Variants in SLC24A3 observed in about 807,000 individuals in gnomAD.
The protein encoded by SLC24A3 is sodium/potassium/calcium exchanger 3.
Under a neutral mutation model 75.8 loss-of-function variants are expected in SLC24A3, and 28 were observed. The observed-to-expected ratio is 0.37, with a 90% CI of 0.27 to 0.51. The LOEUF is 0.51. Ranked by LOEUF, SLC24A3 falls within the 20% of genes least tolerant of loss-of-function variation. The pLI, the probability that SLC24A3 is intolerant of heterozygous loss-of-function variation, is 0.94. For missense variants in SLC24A3, 663 were observed against 847.8 expected (o/e 0.78, Z 2.71); for synonymous variants, 372 against 334.1 (o/e 1.11, Z -1.24).
chr20:19,325,795 TAGAGAGAGAGA>T (rs1984841078), intron 2 of SLC24A3, among the ~76,000 whole-genome samples: 3 of 67,796 alleles, frequency 4.4e-5, no homozygotes, highest in African/African-American at 1.7e-4. Context: ...TATATATATA[TAGAGAGAGAGA>T]GAGAGAGAGA....
chr20:19,346,561 GACTATTATTCAAAGTGAAGTA>G (rs1201735266), intron 2 of SLC24A3, among the ~76,000 whole-genome samples: 1 of 151,802 alleles, frequency 6.6e-6, no homozygotes, highest in African/African-American at 2.4e-5. Context: ...TGGAATTAGA[GACTATTATTCAAAGTGAAGTA>G]ACTCAGGAAT....
intron 4 of SLC24A3, 139 bp downstream of exon 4, chr20:19,580,213 T>A (rs531476889): frequency 3.1e-6 from 2 of 648,374 alleles, no homozygotes; most frequent in East Asian, 5.2e-5. Flanking sequence ...ATCACCATGT[T>A]TGAGAGCAAT....
At chr20:19,341,711 T>A (rs1985276546) in intron 2 of SLC24A3, among the ~76,000 whole-genome samples, 1 of 152,202 alleles carries the variant, frequency 6.6e-6, no homozygotes, top group Admixed American at 6.5e-5. Context: ...AGCAGCAGTT[T>A]CCCATCCTGT....
chr20:19,708,602 G>T (rs769418340), intron 15 of SLC24A3, among the ~76,000 whole-genome samples: 1 of 152,306 alleles, frequency 6.6e-6, no homozygotes, highest in South Asian at 2.1e-4. Context: ...GCGATGCCAC[G>T]TTGGTAGCTT....
chr20:19,654,902 C>A (rs2032249036), intron 7 of SLC24A3, among the ~76,000 whole-genome samples: 1 of 152,122 alleles, frequency 6.6e-6, no homozygotes, highest in East Asian at 1.9e-4. Flanking sequence ...CCGTCTCAGC[C>A]TCCCAAACTG....
chr20:19,368,177 A>T (rs1389159713), intron 2 of SLC24A3, among the ~76,000 whole-genome samples: 1 of 111,742 alleles, frequency 8.9e-6, no homozygotes, highest in Non-Finnish European at 1.8e-5. Flanking sequence ...CAGAACCTAG[A>T]GGGATGTTGG....
chr20:19,406,556 T>C (rs961509514), intron 2 of SLC24A3, among the ~76,000 whole-genome samples: 7 of 152,192 alleles, frequency 4.6e-5, no homozygotes, highest in Non-Finnish European at 8.8e-5. Flanking sequence ...CTTAAAGGAA[T>C]TTACAGTCTA....
intron 2 of SLC24A3, among the ~76,000 whole-genome samples, chr20:19,346,737 G>A (rs963129253): frequency 2.6e-5 from 4 of 151,994 alleles, no homozygotes; most frequent in Admixed American, 2.6e-4. Flanking sequence ...CATTGGATAC[G>A]GTGTACACTG....
rs770360144 is a variant in SLC24A3, at chr20:19,654,044, G to T, written c.613-18G>T. On this transcript the variant is annotated intron_variant, in intron 6 of 16. Coordinates refer to ENST00000328041, the MANE Select transcript of SLC24A3 (RefSeq NM_020689.4). The stretch of plus-strand genomic sequence containing the variant: ...TACAGTCTATATCCTGTTTGACTTT[G>T]TTTCCCTTGTCCTGCAGGTTGTGGC... The T allele has an allele frequency of 6.2e-7, 1 of 1,604,200 alleles. No homozygotes were observed. The highest frequency in any genetic ancestry group is 8.5e-7 in the Non-Finnish European group (1 of 1,171,112).
chr20:19,366,904 A>T (rs1188012974), intron 2 of SLC24A3, among the ~76,000 whole-genome samples: 1 of 152,130 alleles, frequency 6.6e-6, no homozygotes, highest in Non-Finnish European at 1.5e-5. Context: ...TCATGGGTAC[A>T]CATGGAGACA....
intron 6 of SLC24A3, among the ~76,000 whole-genome samples, chr20:19,623,511 T>C (rs958577106): frequency 3.3e-5 from 5 of 152,182 alleles, no homozygotes; most frequent in South Asian, 2.1e-4. Context: ...GCCAGCACAA[T>C]GCCATCTAGA....
chr20:19,328,463 C>A (rs1258555629), intron 2 of SLC24A3, among the ~76,000 whole-genome samples: 1 of 152,116 alleles, frequency 6.6e-6, no homozygotes, highest in African/African-American at 2.4e-5. Flanking sequence ...CAGTTCAGAG[C>A]AGTAACAGGG....
At chr20:19,371,521 G>A (rs1216685606) in intron 2 of SLC24A3, among the ~76,000 whole-genome samples, 5 of 152,292 alleles carry the variant, frequency 3.3e-5, no homozygotes, top group East Asian at 3.9e-4. Flanking sequence ...CTGGGAATAC[G>A]CAGTTAGTTT....
intron 1 of SLC24A3, among the ~76,000 whole-genome samples, chr20:19,219,746 AAATC>A (rs1415997436): frequency 6.6e-6 from 1 of 152,242 alleles, no homozygotes; most frequent in East Asian, 1.9e-4. Flanking sequence ...TTTAACATGA[AAATC>A]AAATTAAAAA....
intron 2 of SLC24A3, among the ~76,000 whole-genome samples, chr20:19,298,899 A>G (rs890868008): frequency 6.6e-6 from 1 of 152,184 alleles, no homozygotes; most frequent in Non-Finnish European, 1.5e-5. Context: ...TCCACCAGTC[A>G]TGGGTTGGGG....
chr20:19,695,779 C>T (rs921889423), intron 13 of SLC24A3: 4 of 152,198 alleles, frequency 2.6e-5, no homozygotes, highest in African/African-American at 9.6e-5. Flanking sequence ...CCTTCCAAGA[C>T]TCCATTGCCT....
At chr20:19,294,113 C>T (rs6045969) in intron 2 of SLC24A3, among the ~76,000 whole-genome samples, 5,928 of 152,078 alleles carry the variant, frequency 0.039, 378 homozygotes, top group African/African-American at 0.14. Context: ...GTACTTGAGA[C>T]GTGGCAAATT....
intron 15 of SLC24A3, among the ~76,000 whole-genome samples, chr20:19,703,398 C>T (rs1414673168): frequency 6.6e-6 from 1 of 152,240 alleles, no homozygotes; most frequent in African/African-American, 2.4e-5. Flanking sequence ...ATGTCTGCCA[C>T]TCACACTGCA....
chr20:19,552,714 C>T (rs1436035999), intron 3 of SLC24A3, among the ~76,000 whole-genome samples: 1 of 152,074 alleles, frequency 6.6e-6, no homozygotes, highest in Non-Finnish European at 1.5e-5. Context: ...TCTTTCTGAC[C>T]CCTCTTTAAA....
Sources: gnomAD v4.1 joint callset for allele counts (sites outside exome capture counted in the v4.1 genomes callset) on GRCh38, gnomAD v4.1.1 for gene constraint, MANE v1.5 for transcripts, NCBI Gene and HGNC (gene_info 2026-07-23, HGNC 2026-07-21) for gene names.